ITGA11: variants seen among roughly 807,000 people sequenced by gnomAD.
ITGA11 encodes integrin subunit alpha 11, also known as integrin alpha-11.
In ITGA11, 97 loss-of-function variants were observed where a neutral mutation model predicts 141.9. The ratio of observed to expected loss-of-function variants is 0.68; its 90% CI spans 0.58 to 0.81. The LOEUF is 0.81. ITGA11 is among the 30% of genes least tolerant of loss of function. The pLI is 0.00. For synonymous variants in ITGA11, 658 were observed against 624.6 expected (o/e 1.05, Z -0.80); for missense variants, 1,387 against 1,559.2 (o/e 0.89, Z 1.86).
Position 68,338,404 on chromosome 15 carries a change from G to A in ITGA11, c.1276+1096C>T, listed in dbSNP as rs1032611531. 2.0e-4 allele frequency among the ~76,000 whole-genome samples: 31 copies of A among 152,312 alleles called. 1 individual carries two copies. The highest frequency in any genetic ancestry group is 4.1e-4 in the African/African-American group (17 of 41,574). On this transcript the variant is annotated intron_variant, in intron 11 of 29. Transcript: ENST00000315757. ...GCAGGCGCTGTGTCCTGCTTACCAC[G>A]GCACTTAACATGGCACTCTGATGGC...
At chr15:68,313,286 G>A (rs934440950) in intron 23 of ITGA11, among the ~76,000 whole-genome samples, 6 of 151,134 alleles carry the variant, frequency 4.0e-5, no homozygotes, top group Non-Finnish European at 8.8e-5. Flanking sequence ...GAGGACAGGG[G>A]CTGTTTCCTC....
At chr15:68,378,131 G>T (rs11858758) in intron 2 of ITGA11, among the ~76,000 whole-genome samples, 1 of 152,118 alleles carries the variant, frequency 6.6e-6, no homozygotes, top group Non-Finnish European at 1.5e-5. Context: ...GAGAACCAGC[G>T]GTGGGAAGAA....
chr15:68,364,884 G>A, intron 3 of ITGA11, 86 bp from the exon 4 acceptor site: 2 of 1,302,896 alleles, frequency 1.5e-6, no homozygotes, highest in Admixed American at 3.7e-5. Context: ...CACCCGAGGT[G>A]CCTCCCCGAT....
intron 10 of ITGA11, among the ~76,000 whole-genome samples, chr15:68,343,195 C>T (rs565139708): frequency 3.3e-5 from 5 of 152,198 alleles, no homozygotes; most frequent in Admixed American, 1.3e-4. Flanking sequence ...GGTCGGGAGT[C>T]GAAGAATCAG....
intron 24 of ITGA11, 146 bp downstream of exon 24, chr15:68,312,627 T>C: frequency 4.9e-6 from 3 of 611,246 alleles, no homozygotes; most frequent in Non-Finnish European, 8.7e-6. Flanking sequence ...AGAGGAGAAG[T>C]GACTTGACTA....
intron 2 of ITGA11, 48 bp from the exon 3 acceptor site, chr15:68,369,332 T>C (rs755456835): frequency 1.0e-5 from 12 of 1,155,114 alleles, no homozygotes; most frequent in Non-Finnish European, 1.3e-5. Context: ...AGGTACTCTT[T>C]CCTGGCAGAG....
intron 16 of ITGA11, among the ~76,000 whole-genome samples, chr15:68,327,411 G>C (rs1894014966): frequency 6.6e-6 from 1 of 152,246 alleles, no homozygotes; most frequent in Non-Finnish European, 1.5e-5. Flanking sequence ...CTCAGGGACA[G>C]AAGTTGAAAG....
In ITGA11 at chr15:68,308,919, T is replaced by C. The variant is rs1414388250; in HGVS notation, c.3175-1223A>G. ...ACAGCAGAACCATTAGCCAACACTA[T>C]AGACAGCTCAGTTGGCTTAGTTTAC... On this transcript the variant is annotated intron_variant, in intron 26 of 29. Coordinates refer to ENST00000315757, the MANE Select transcript of ITGA11 (RefSeq NM_001004439.2). This position sits in a 1 kb window ranked among gnomAD's most constrained non-coding sequence, Gnocchi z 5.2. Among the ~76,000 whole-genome samples the C allele has an allele frequency of 6.6e-6, 1 of 152,210 alleles. No homozygotes were observed. Among genetic ancestry groups the C allele is most frequent in the East Asian group, 1.9e-4 (1 of 5,202 alleles).
rs1189839216 is a variant in ITGA11, at chr15:68,330,993, G to A, written c.1889C>T (p.Ala630Val). The A allele has an allele frequency of 3.7e-6, 6 of 1,613,820 alleles. No individual in the cohort carries two copies. In the Admixed American group the frequency reaches 6.7e-5, roughly 18 times the overall value. ...IDLAVGALGN[A>V]VILWSRPVVQ... is the part of the protein sequence containing the mutation. ...CGGGGGAACCAACCACAGAATCACA[G>A]CGTTGCCAAGGGCTCCCACTGCCAG... The change falls in exon 15 of 30, where the codon GCT becomes GTT. Residue 630 changes from alanine to valine, a missense_variant. By Grantham distance (64) the Ala-to-Val change is moderately conservative (BLOSUM62 0). Transcript: ENST00000315757.
In ITGA11 at chr15:68,339,651, T is replaced by A; in HGVS notation, c.1132-7A>T. On this transcript the variant is annotated splice_polypyrimidine_tract_variant and splice_region_variant and intron_variant, in intron 10 of 29. Coordinates refer to ENST00000315757, the MANE Select transcript of ITGA11 (RefSeq NM_001004439.2). ...CTCCCAGCAGAACCCCATCCTGGCATTGGGGAGGGGACACACATCAGCACC... is the reference window on the plus strand; with the variant it reads ...CTCCCAGCAGAACCCCATCCTGGCAATGGGGAGGGGACACACATCAGCACC... The A allele has an allele frequency of 6.2e-7, 1 of 1,613,912 alleles. No individual in the cohort carries two copies. Among genetic ancestry groups the A allele is most frequent in the Non-Finnish European group, 8.5e-7 (1 of 1,179,870 alleles).
chr15:68,359,380 T>TTGTAGTCC (rs1895172073), intron 5 of ITGA11, among the ~76,000 whole-genome samples: 1 of 152,206 alleles, frequency 6.6e-6, no homozygotes, highest in Non-Finnish European at 1.5e-5. Context: ...GAGTCATGGC[T>TTGTAGTCC]CACACCCATA....
chr15:68,354,954 G>A (rs1404825894), intron 7 of ITGA11, among the ~76,000 whole-genome samples: 3 of 152,220 alleles, frequency 2.0e-5, no homozygotes, highest in African/African-American at 4.8e-5. Context: ...CTTGAATTTG[G>A]AAGTTTGGGA....
At chr15:68,315,528 G>T in intron 22 of ITGA11, 123 bp downstream of exon 22, 1 of 846,196 alleles carries the variant, frequency 1.2e-6, no homozygotes, top group Non-Finnish European at 2.0e-6. Context: ...ACTCAAGGTT[G>T]GGGCAGTGGG....
Position 68,335,459 on chromosome 15 carries a change from A to G in ITGA11, c.1425+238T>C, listed in dbSNP as rs915457554. Among the ~76,000 whole-genome samples the G allele has an allele frequency of 6.6e-6, 1 of 152,108 alleles. No individual in the cohort carries two copies. Among genetic ancestry groups the G allele is most frequent in the African/African-American group, 2.4e-5 (1 of 41,406 alleles). On this transcript the variant is annotated intron_variant, in intron 12 of 29. Transcript: ENST00000315757. This position sits in a 1 kb window ranked among gnomAD's most constrained non-coding sequence, Gnocchi z 4.9. The stretch of plus-strand genomic sequence containing the variant: ...GGGCAATGGCATTGGCAGCCTTCCC[A>G]TTCCTCATTGCTTCCATTCCAGGAA...
chr15:68,328,770 C>T lies in ITGA11; in HGVS notation c.1902-508G>A, dbSNP rs1894063557. The stretch of plus-strand genomic sequence containing the variant: ...TAAAATGCAGATTTTGATCCAATAG[C>T]TTGGCACTGATTTTGCATTTCTAAC... On this transcript the variant is annotated intron_variant, in intron 15 of 29. Transcript: ENST00000315757. This position sits in a 1 kb window ranked among gnomAD's most constrained non-coding sequence, Gnocchi z 4.8. Among the ~76,000 whole-genome samples, 1 of 152,182 alleles carries T rather than the reference C, an allele frequency of 6.6e-6. No individual in the cohort carries two copies. The highest frequency in any genetic ancestry group is 2.4e-5 in the African/African-American group (1 of 41,452).
Position 68,307,012 on chromosome 15 carries a change from C to T in ITGA11, c.3381+336G>A, listed in dbSNP as rs1284318456. On this transcript the variant is annotated intron_variant, in intron 28 of 29. Coordinates refer to ENST00000315757, the MANE Select transcript of ITGA11 (RefSeq NM_001004439.2). This position sits in a 1 kb window ranked among gnomAD's most constrained non-coding sequence, Gnocchi z 6.1. ...TCTCGTTGGGTCTCACAGAGTCTCA[C>T]TCCTTTCCTGGACCCTGGATGAAGC... is the stretch of plus-strand genomic sequence containing the variant. Among the ~76,000 whole-genome samples, 1 of 152,246 alleles carries T rather than the reference C, an allele frequency of 6.6e-6. No individual in the cohort carries two copies. Among genetic ancestry groups the T allele is most frequent in the Admixed American group, 6.5e-5 (1 of 15,286 alleles).
intron 2 of ITGA11, among the ~76,000 whole-genome samples, chr15:68,389,051 C>T (rs1408055083): frequency 1.3e-5 from 2 of 152,172 alleles, no homozygotes; most frequent in African/African-American, 4.8e-5. Flanking sequence ...CTGTCCCCTC[C>T]ATCTCTGTAC....
In ITGA11 at chr15:68,301,609, A is replaced by G. The variant is rs1419561416; in HGVS notation, c.*1450T>C. ...TGACATGTAGAGGTAGGGGGGAGGAAGCAAGGAACTCCCTCATTCTACTTC... is the reference window on the plus strand; with the variant it reads ...TGACATGTAGAGGTAGGGGGGAGGAGGCAAGGAACTCCCTCATTCTACTTC... On this transcript the variant is annotated 3_prime_UTR_variant, in exon 30 of 30. Coordinates refer to ENST00000315757, the MANE Select transcript of ITGA11 (RefSeq NM_001004439.2). This position sits in a 1 kb window ranked among gnomAD's most constrained non-coding sequence, Gnocchi z 4.4. The G allele has an allele frequency of 6.6e-6, 1 of 152,220 alleles. No homozygotes were observed. The highest frequency in any genetic ancestry group is 1.5e-5 in the Non-Finnish European group (1 of 68,050). The allele number at this position is 152,220 out of a possible 1,614,324, so 9.4% of individuals were successfully genotyped here. A position where few individuals can be genotyped will look rare whatever the true frequency, so the allele number is the denominator to read the frequency against.
chr15:68,323,943 C>A (rs1472514032), intron 18 of ITGA11, among the ~76,000 whole-genome samples: 2 of 152,198 alleles, frequency 1.3e-5, no homozygotes, highest in African/African-American at 4.8e-5. Flanking sequence ...GCAGGGATTA[C>A]CCTGTGTGTT....
Sources: allele counts gnomAD v4.1 joint callset (sites outside exome capture counted in the v4.1 genomes callset), GRCh38; gene constraint gnomAD v4.1.1; non-coding constraint Gnocchi (gnomAD v3.1); transcripts MANE v1.5; gene names NCBI Gene and HGNC (gene_info 2026-07-23, HGNC 2026-07-21).